MYO1E: variants seen among roughly 807,000 people sequenced by gnomAD.
The protein encoded by MYO1E is unconventional myosin-Ie.
A neutral mutation model predicts 151.1 loss-of-function variants in MYO1E; 68 were observed. The observed-to-expected ratio is 0.45, with a 90% confidence interval of 0.37 to 0.55. The LOEUF is 0.55. Among genes scored for constraint, MYO1E ranks in the 20% least tolerant of loss-of-function variants. The pLI, the probability that MYO1E is intolerant of heterozygous loss-of-function variation, is 0.00. For synonymous variants in MYO1E, 601 were observed against 501.7 expected (o/e 1.20, Z -2.64); for missense variants, 1,363 against 1,389.3 (o/e 0.98, Z 0.30).
chr15:59,233,760 G>C (rs1432339376), intron 5 of MYO1E, among the ~76,000 whole-genome samples: 1 of 147,180 alleles, frequency 6.8e-6, no homozygotes, highest in Non-Finnish European at 1.5e-5. Context: ...CAGGAATAGA[G>C]AAAAGCAAGT....
chr15:59,363,399 T>G (rs1317707899), intron 1 of MYO1E, among the ~76,000 whole-genome samples: 7 of 152,192 alleles, frequency 4.6e-5, no homozygotes, highest in Non-Finnish European at 1.0e-4. Flanking sequence ...ACAATGTTCT[T>G]AAGTCTAAAT....
chr15:59,281,072 C>T (rs756614421), intron 1 of MYO1E, among the ~76,000 whole-genome samples: 6 of 152,130 alleles, frequency 3.9e-5, no homozygotes, highest in Non-Finnish European at 8.8e-5. Context: ...GACCACAGCT[C>T]GCAAAGCAAG....
At chr15:59,173,218 A>T (rs1202697301) in intron 21 of MYO1E, among the ~76,000 whole-genome samples, 7 of 152,242 alleles carry the variant, frequency 4.6e-5, no homozygotes, top group Non-Finnish European at 8.8e-5. Context: ...TTTCACTCCT[A>T]TCAATTTCTT....
intron 1 of MYO1E, among the ~76,000 whole-genome samples, chr15:59,283,981 G>A (rs1283487534): frequency 1.3e-5 from 2 of 152,190 alleles, no homozygotes; most frequent in African/African-American, 4.8e-5. Flanking sequence ...GAAGTACCAC[G>A]TGGTAAACAG....
chr15:59,235,736 C>T (rs1472439967), intron 5 of MYO1E, among the ~76,000 whole-genome samples: 1 of 152,164 alleles, frequency 6.6e-6, no homozygotes, highest in African/African-American at 2.4e-5. Context: ...GTAAGTTTAA[C>T]AGATTTTGCT....
rs117371632 is a variant in MYO1E, at chr15:59,256,295, G to A, written c.321C>T (p.Cys107=). Residue 107 remains cysteine (C), a synonymous_variant, in exon 4 of 28, where the codon TGC becomes TGT. Coordinates refer to ENST00000288235, the MANE Select transcript of MYO1E (RefSeq NM_004998.4). ...RNMIIDRENQ[C]VIISGESGAG... Reference sequence around the variant, plus strand: ...GATCTTCTTCATACCTGATAATGACGCACTGGTTCTCTCTGTCAATGATCA... The same window carrying A: ...GATCTTCTTCATACCTGATAATGACACACTGGTTCTCTCTGTCAATGATCA... The A allele has an allele frequency of 2.7e-4, 426 of 1,598,138 alleles. 2 individuals are homozygous for A. The East Asian group carries it at 8.1e-3, about 31-fold the overall frequency.
At chr15:59,262,898 G>C (rs553431096) in intron 2 of MYO1E, among the ~76,000 whole-genome samples, 1 of 151,892 alleles carries the variant, frequency 6.6e-6, no homozygotes, top group African/African-American at 2.4e-5. Context: ...ATTTGAATTG[G>C]GTGCTTACTT....
At chr15:59,286,828 A>G (rs1258716934) in intron 1 of MYO1E, among the ~76,000 whole-genome samples, 3 of 152,196 alleles carry the variant, frequency 2.0e-5, no homozygotes, top group Non-Finnish European at 4.4e-5. Context: ...AAATGTAACC[A>G]TAAGGGCATT....
intron 9 of MYO1E, among the ~76,000 whole-genome samples, chr15:59,218,830 A>G (rs2079936066): frequency 6.6e-6 from 1 of 152,148 alleles, no homozygotes; most frequent in Non-Finnish European, 1.5e-5. Context: ...CAGAGAGGAG[A>G]AGGGAGTGTA....
chr15:59,207,051 G>A (rs372038832), intron 14 of MYO1E: 39 of 1,614,070 alleles, frequency 2.4e-5, no homozygotes, highest in Non-Finnish European at 3.0e-5. Flanking sequence ...CGCGCATCCC[G>A]CTCAACGGCA....
chr15:59,313,273 TC>T (rs1367179001), intron 1 of MYO1E, among the ~76,000 whole-genome samples: 1 of 152,084 alleles, frequency 6.6e-6, no homozygotes, highest in Non-Finnish European at 1.5e-5. Context: ...GACATATGTA[TC>T]CCCCAACACA....
intron 5 of MYO1E, among the ~76,000 whole-genome samples, chr15:59,233,673 A>C: frequency 6.7e-6 from 1 of 150,174 alleles, no homozygotes. Context: ...AAAAAAAAAA[A>C]AAAAAAAAAA....
chr15:59,277,404 G>A (rs1342468418), intron 1 of MYO1E, among the ~76,000 whole-genome samples: 2 of 151,958 alleles, frequency 1.3e-5, no homozygotes, highest in African/African-American at 4.8e-5. Context: ...ATTTAGCTGG[G>A]CATGGTGGCA....
intron 22 of MYO1E, among the ~76,000 whole-genome samples, chr15:59,169,641 C>A (rs1431616829): frequency 1.3e-5 from 2 of 151,598 alleles, no homozygotes; most frequent in Non-Finnish European, 2.9e-5. Flanking sequence ...AAGGAAAGAC[C>A]GCAAGAAAGG....
At chr15:59,335,870 T>C (rs369719527) in intron 1 of MYO1E, among the ~76,000 whole-genome samples, 1 of 151,888 alleles carries the variant, frequency 6.6e-6, no homozygotes, top group East Asian at 1.9e-4. Context: ...GAGGAATGAG[T>C]GTCACGGACT....
At chr15:59,263,218 G>C (rs1481118744) in intron 2 of MYO1E, among the ~76,000 whole-genome samples, 1 of 152,200 alleles carries the variant, frequency 6.6e-6, no homozygotes, top group East Asian at 1.9e-4. Flanking sequence ...ATTAAGACCT[G>C]TGTACCATGA....
intron 1 of MYO1E, among the ~76,000 whole-genome samples, chr15:59,295,415 G>A (rs1258451933): frequency 1.3e-5 from 2 of 152,108 alleles, no homozygotes; most frequent in Non-Finnish European, 1.5e-5. Context: ...CGGTAGCCTC[G>A]GTTAAGTAGG....
At chr15:59,307,395 C>T (rs1170490818) in intron 1 of MYO1E, among the ~76,000 whole-genome samples, 1 of 152,164 alleles carries the variant, frequency 6.6e-6, no homozygotes, top group Non-Finnish European at 1.5e-5. Flanking sequence ...TTACAGACAA[C>T]AGCAGCTGGG....
intron 1 of MYO1E, among the ~76,000 whole-genome samples, chr15:59,292,323 A>T (rs1431778300): frequency 6.6e-6 from 1 of 152,214 alleles, no homozygotes; most frequent in Non-Finnish European, 1.5e-5. Context: ...CTTTTCCTAC[A>T]TGTGTTTCTA....
Sources: allele counts gnomAD v4.1 joint callset (sites outside exome capture counted in the v4.1 genomes callset), GRCh38; gene constraint gnomAD v4.1.1; transcripts MANE v1.5; gene names NCBI Gene and HGNC (gene_info 2026-07-23, HGNC 2026-07-21).